Variants in NFIA observed in about 807,000 individuals in gnomAD.
NFIA encodes nuclear factor I A.
A neutral mutation model predicts 62.8 loss-of-function variants in NFIA; 8 were observed. That is an observed-to-expected ratio of 0.13 (90% CI 0.07 to 0.23). The LOEUF is 0.23. NFIA is among the 10% of genes least tolerant of loss of function. NFIA has a pLI of 1.00. For missense variants in NFIA, 410 were observed against 642.1 expected (o/e 0.64, Z 3.91); for synonymous variants, 235 against 238.1 (o/e 0.99, Z 0.12).
chr1:61,213,756 G>A (rs115638224), intron 2 of NFIA, among the ~76,000 whole-genome samples: 1,676 of 152,204 alleles, frequency 0.011, 34 homozygotes, highest in African/African-American at 0.038. Flanking sequence ...GCGATCCGAT[G>A]GCTTGAAATA....
intron 10 of NFIA, among the ~76,000 whole-genome samples, chr1:61,433,412 T>G (rs563367960): frequency 6.6e-6 from 1 of 152,212 alleles, no homozygotes; most frequent in African/African-American, 2.4e-5. Flanking sequence ...ATTCCATCAC[T>G]TAGAAGCATT....
chr1:61,196,794 G>A (rs980576729), intron 2 of NFIA, among the ~76,000 whole-genome samples: 1 of 152,076 alleles, frequency 6.6e-6, no homozygotes, highest in African/African-American at 2.4e-5. Flanking sequence ...TTAACTTGAA[G>A]TAGAATAAAA....
intron 2 of NFIA, among the ~76,000 whole-genome samples, chr1:61,271,384 A>G (rs1335522055): frequency 2.6e-5 from 4 of 152,262 alleles, no homozygotes; most frequent in Non-Finnish European, 4.4e-5. Context: ...TTAATGAAAT[A>G]CCAGAAAAGT....
chr1:61,081,998 C>T, upstream of NFIA: 1 of 1,550,384 alleles, frequency 6.5e-7, no homozygotes, highest in Non-Finnish European at 8.7e-7. Flanking sequence ...CACGCGGTGG[C>T]CCGGGGGGTG....
intron 4 of NFIA, among the ~76,000 whole-genome samples, chr1:61,346,463 T>G (rs973710853): frequency 2.6e-5 from 4 of 152,260 alleles, no homozygotes; most frequent in African/African-American, 9.6e-5. Flanking sequence ...AGTTAAAAAG[T>G]ATACTGTGTT....
intron 2 of NFIA, among the ~76,000 whole-genome samples, chr1:61,133,683 C>T (rs1048225851): frequency 6.6e-5 from 10 of 152,280 alleles, no homozygotes; most frequent in African/African-American, 2.2e-4. Context: ...AACTTCTTTG[C>T]TCCTCTGTTT....
At chr1:61,257,113 T>A (rs1293555438) in intron 2 of NFIA, among the ~76,000 whole-genome samples, 2 of 152,080 alleles carry the variant, frequency 1.3e-5, no homozygotes, top group Non-Finnish European at 2.9e-5. Flanking sequence ...GATCGGTTCC[T>A]CTATTCAGCC....
intron 10 of NFIA, among the ~76,000 whole-genome samples, chr1:61,448,473 G>T: frequency 6.6e-6 from 1 of 152,284 alleles, no homozygotes; most frequent in Non-Finnish European, 1.5e-5. Flanking sequence ...CCCAGAAACC[G>T]TTCACAGTGA....
chr1:61,190,738 G>A (rs1456888041), intron 2 of NFIA, among the ~76,000 whole-genome samples: 5 of 152,200 alleles, frequency 3.3e-5, no homozygotes, highest in African/African-American at 1.2e-4. Flanking sequence ...AATATGAGTT[G>A]AATAACATAC....
At chr1:61,307,169 C>G (rs1477287025) in intron 3 of NFIA, among the ~76,000 whole-genome samples, 1 of 152,074 alleles carries the variant, frequency 6.6e-6, no homozygotes, top group Non-Finnish European at 1.5e-5. Flanking sequence ...ATGTTTGTGT[C>G]CCCCCAAAAT....
chr1:61,379,461 G>A (rs1452538887), intron 6 of NFIA, among the ~76,000 whole-genome samples: 3 of 138,374 alleles, frequency 2.2e-5, no homozygotes, highest in Non-Finnish European at 3.0e-5. Flanking sequence ...AGGCTGGAGT[G>A]CAGTAGCATG....
At chr1:61,226,721 C>A (rs936210612) in intron 2 of NFIA, among the ~76,000 whole-genome samples, 1 of 152,138 alleles carries the variant, frequency 6.6e-6, no homozygotes, top group Non-Finnish European at 1.5e-5. Flanking sequence ...TTTTATTTAA[C>A]ACTCAGACAC....
chr1:61,155,612 G>A (rs1648752936), intron 2 of NFIA, among the ~76,000 whole-genome samples: 1 of 146,976 alleles, frequency 6.8e-6, no homozygotes, highest in South Asian at 2.1e-4. Context: ...AGCGGAGCTT[G>A]CAGTGAGCCG....
At chr1:61,201,935 T>C (rs2100590842) in intron 2 of NFIA, among the ~76,000 whole-genome samples, 1 of 151,790 alleles carries the variant, frequency 6.6e-6, no homozygotes, top group South Asian at 2.1e-4. Flanking sequence ...ACAACTATCG[T>C]GTAAGAAAAT....
At chr1:61,336,390 G>T (rs1661609615) in intron 4 of NFIA, among the ~76,000 whole-genome samples, 2 of 151,924 alleles carry the variant, frequency 1.3e-5, no homozygotes, top group Admixed American at 6.6e-5. Context: ...AGTTTTTTAG[G>T]TTTACAGTTT....
intron 10 of NFIA, among the ~76,000 whole-genome samples, chr1:61,445,201 A>G (rs924167591): frequency 1.3e-5 from 2 of 152,198 alleles, no homozygotes; most frequent in African/African-American, 4.8e-5. Flanking sequence ...GATCCCTGAC[A>G]GGGAAGCCAA....
intron 3 of NFIA, among the ~76,000 whole-genome samples, chr1:61,283,288 G>C (rs1658247798): frequency 6.6e-6 from 1 of 151,844 alleles, no homozygotes; most frequent in Non-Finnish European, 1.5e-5. Context: ...TTTATGTGTA[G>C]GGCTGGACAC....
intron 2 of NFIA, among the ~76,000 whole-genome samples, chr1:61,260,284 A>G (rs535646003): frequency 7.2e-5 from 11 of 152,330 alleles, no homozygotes; most frequent in African/African-American, 2.4e-4. Flanking sequence ...AGGAACGTTC[A>G]TGCAGACTTT....
chr1:61,200,000 A>ATATATATATG (rs1258608387), intron 2 of NFIA, among the ~76,000 whole-genome samples: 3 of 100,970 alleles, frequency 3.0e-5, no homozygotes, highest in Admixed American at 1.2e-4. Context: ...AACTCACAAA[A>ATATATATATG]TATATATATG....
Sources: allele counts gnomAD v4.1 joint callset (sites outside exome capture counted in the v4.1 genomes callset), GRCh38; gene constraint gnomAD v4.1.1; transcripts MANE v1.5; gene names NCBI Gene and HGNC (gene_info 2026-07-23, HGNC 2026-07-21).